Variants in ROS1 observed in about 807,000 individuals in gnomAD.
ROS1 encodes proto-oncogene tyrosine-protein kinase ROS.
ROS1 carries 263 observed loss-of-function variants against 273.5 expected under a neutral mutation model. That is an observed-to-expected ratio of 0.96 (90% confidence interval 0.87 to 1.06). ROS1 has a LOEUF of 1.06. Ranked by LOEUF, ROS1 falls within the 50% of genes least tolerant of loss-of-function variation. The pLI is 0.00. For synonymous variants in ROS1, 1,008 were observed against 954.1 expected (o/e 1.06, Z -1.04); for missense variants, 2,833 against 2,751.1 (o/e 1.03, Z -0.67).
chr6:117,320,556 C>T (rs887021672), intron 36 of ROS1, among the ~76,000 whole-genome samples: 1 of 152,108 alleles, frequency 6.6e-6, no homozygotes, highest in Non-Finnish European at 1.5e-5. Context: ...GAAAATGCTG[C>T]TATGTTAAAA....
intron 32 of ROS1, among the ~76,000 whole-genome samples, chr6:117,333,130 A>G (rs545664994): frequency 3.0e-4 from 45 of 152,174 alleles, no homozygotes; most frequent in African/African-American, 9.6e-4. Flanking sequence ...GAGACAGAGA[A>G]GAATCAAATA....
At chr6:117,302,350 C>T (rs1435314898) in intron 42 of ROS1, among the ~76,000 whole-genome samples, 3 of 152,108 alleles carry the variant, frequency 2.0e-5, no homozygotes, top group Non-Finnish European at 2.9e-5. Context: ...ATGTTGAGTA[C>T]GAGGCTTATG....
chr6:117,352,104 C>T (rs988204775), intron 27 of ROS1, among the ~76,000 whole-genome samples: 2 of 152,062 alleles, frequency 1.3e-5, no homozygotes, highest in African/African-American at 2.4e-5. Context: ...TGTTTTCAGA[C>T]GAGTCTCGCT....
At chr6:117,326,141 A>G in intron 34 of ROS1, 83 bp downstream of exon 34, 2 of 543,726 alleles carry the variant, frequency 3.7e-6, no homozygotes, top group Non-Finnish European at 3.2e-6. Flanking sequence ...ACCATTATCT[A>G]TTGCTAATGT....
chr6:117,404,049 C>T (rs1774178782), intron 6 of ROS1, among the ~76,000 whole-genome samples: 3 of 152,198 alleles, frequency 2.0e-5, no homozygotes, highest in Admixed American at 2.0e-4. Context: ...TCCTGGCTAA[C>T]ACGGTGAAAC....
intron 18 of ROS1, among the ~76,000 whole-genome samples, chr6:117,373,453 G>A (rs1262001432): frequency 4.6e-5 from 7 of 152,250 alleles, no homozygotes; most frequent in South Asian, 2.1e-4. Flanking sequence ...GAGGCCCGGC[G>A]AGAATTCGAG....
At chr6:117,299,010 GA>G (rs1774470877) in intron 43 of ROS1, among the ~76,000 whole-genome samples, 3 of 151,922 alleles carry the variant, frequency 2.0e-5, no homozygotes, top group Admixed American at 6.6e-5. Flanking sequence ...TATATATAGA[GA>G]GCCCCCCAAA....
At chr6:117,337,778 T>G (rs1411501470) in intron 31 of ROS1, among the ~76,000 whole-genome samples, 6 of 152,178 alleles carry the variant, frequency 3.9e-5, no homozygotes, top group Admixed American at 3.9e-4. Flanking sequence ...ATGTTTTGAT[T>G]ACATATTTTG....
chr6:117,311,187 A>C lies in ROS1; in HGVS notation c.6118-70T>G, dbSNP rs1253384983. The C allele has an allele frequency of 1.2e-5, 10 of 812,532 alleles. No homozygotes were observed. In the East Asian group the frequency reaches 2.3e-4, roughly 19 times the overall value. 50.3% of individuals were successfully genotyped at this position (812,532 alleles called of 1,614,324 possible). On this transcript the variant is annotated intron_variant, in intron 39 of 43. Coordinates refer to ENST00000368507, the MANE Select transcript of ROS1 (RefSeq NM_001378902.1). ...ATGAAATATATACATATATGTGTGA[A>C]TATAAGTGGATACATGTATATGCAT...
intron 33 of ROS1, among the ~76,000 whole-genome samples, chr6:117,327,738 T>G (rs982291968): frequency 2.0e-5 from 3 of 152,222 alleles, no homozygotes; most frequent in African/African-American, 7.2e-5. Flanking sequence ...TAATGTGACC[T>G]TGTTTAGAAA....
intron 43 of ROS1, 134 bp downstream of exon 43, chr6:117,300,836 CACTT>C: frequency 1.8e-6 from 1 of 546,360 alleles, no homozygotes; most frequent in East Asian, 3.5e-5. Flanking sequence ...ATGCAATAAA[CACTT>C]AATTATGATG....
chr6:117,393,174 T>C (rs1216924339), intron 12 of ROS1, 50 bp downstream of exon 12: 3 of 1,085,226 alleles, frequency 2.8e-6, no homozygotes, highest in Non-Finnish European at 4.3e-6. Flanking sequence ...TTCTCAAAGA[T>C]TATTTATTCC....
chr6:117,372,695 G>A (rs868818046), intron 18 of ROS1, among the ~76,000 whole-genome samples: 3 of 152,192 alleles, frequency 2.0e-5, no homozygotes, highest in Non-Finnish European at 2.9e-5. Context: ...CACTGGGTTC[G>A]TGGTCTCACT....
rs747157273 is a variant in ROS1, at chr6:117,319,992, G to A, written c.5798C>T (p.Ala1933Val). ...PTQEEIENLPAFPREKLTLRL... is the reference protein window; with the variant it reads ...PTQEEIENLPVFPREKLTLRL... ...CAGAGTCAGTTTTTCCCGAGGGAAG[G>A]CAGGAAGATTTTCAATCTCCTCTTG... Residue 1933 changes from alanine to valine, a missense_variant, in exon 37 of 44, where the codon GCC becomes GTC. Physicochemically the swap from Ala to Val is moderately conservative, Grantham distance 64. Coordinates refer to ENST00000368507, the MANE Select transcript of ROS1 (RefSeq NM_001378902.1). The A allele has an allele frequency of 3.1e-6, 5 of 1,613,222 alleles. No homozygotes were observed. The highest frequency in any genetic ancestry group is 1.3e-5 in the African/African-American group (1 of 74,864).
Position 117,360,385 on chromosome 6 carries a change from C to T in ROS1, c.3387G>A (p.Lys1129=). 4 of 1,613,144 alleles carry T rather than the reference C, an allele frequency of 2.5e-6. No individual in the cohort carries two copies. Among genetic ancestry groups the T allele is most frequent in the Non-Finnish European group, 3.4e-6 (4 of 1,179,576 alleles). Residue 1129 remains lysine, a synonymous_variant, in exon 23 of 44, where the codon AAG becomes AAA. Coordinates refer to ENST00000368507, the MANE Select transcript of ROS1 (RefSeq NM_001378902.1). ...IAFQVRAFTS[K]GPGPYADVVK... ...CAACGTCAGCATATGGTCCTGGCCC[C>T]TTAGATGTAAAGGCCCTAACCTAAA...
At chr6:117,392,761 C>G (rs951895943) in intron 12 of ROS1, among the ~76,000 whole-genome samples, 1 of 152,146 alleles carries the variant, frequency 6.6e-6, no homozygotes, top group Non-Finnish European at 1.5e-5. Flanking sequence ...AAGGTGGAAG[C>G]TAGCAGCTTT....
chr6:117,328,026 A>G (rs776535009), intron 33 of ROS1, among the ~76,000 whole-genome samples: 14 of 152,196 alleles, frequency 9.2e-5, no homozygotes, highest in Non-Finnish European at 1.5e-4. Context: ...TCTAACCTCT[A>G]GAGCTGTAAG....
chr6:117,387,629 G>A (rs2128699878), intron 14 of ROS1, 151 bp downstream of exon 14: 1 of 672,982 alleles, frequency 1.5e-6, no homozygotes, highest in East Asian at 2.7e-5. Flanking sequence ...AAATAAATAT[G>A]TACTCAATAT....
At chr6:117,377,963 T>A (rs1462201337) in intron 18 of ROS1, among the ~76,000 whole-genome samples, 1 of 152,168 alleles carries the variant, frequency 6.6e-6, no homozygotes, top group African/African-American at 2.4e-5. Context: ...AAGTGCTGGT[T>A]AAAATCACAA....
Sources: gnomAD v4.1 joint callset for allele counts (sites outside exome capture counted in the v4.1 genomes callset) on GRCh38, gnomAD v4.1.1 for gene constraint, MANE v1.5 for transcripts, NCBI Gene and HGNC (gene_info 2026-07-23, HGNC 2026-07-21) for gene names.